The following ITPRID1 variants were observed in gnomAD, a reference collection of about 807,000 sequenced individuals.
ITPRID1 encodes ITPR interacting domain containing 1.
A neutral mutation model predicts 95.4 loss-of-function variants in ITPRID1; 96 were observed. That is an observed-to-expected ratio of 1.01 (90% CI 0.85 to 1.19). The LOEUF is 1.19. Among genes scored for constraint, ITPRID1 ranks in the 50% most tolerant of loss-of-function variants. The probability of loss-of-function intolerance (pLI) is 0.00; values close to 1 mark genes in which losing one functional copy is unlikely to be tolerated. For missense variants in ITPRID1, 1,339 were observed against 1,252.9 expected, an observed-to-expected ratio of 1.07 and a Z score of -1.04; for synonymous variants, 510 against 453.6, an observed-to-expected ratio of 1.12 and a Z score of -1.58.
At chr7:31,585,684 A>G (rs1785565842) in intron 10 of ITPRID1, among the ~76,000 whole-genome samples, 1 of 152,188 alleles carries the variant, frequency 6.6e-6, no homozygotes, top group Non-Finnish European at 1.5e-5. Flanking sequence ...AATCTCACTT[A>G]GCTATCAACT....
chr7:31,545,124 AG>A (rs958974037), intron 1 of ITPRID1, among the ~76,000 whole-genome samples: 23 of 152,274 alleles, frequency 1.5e-4, no homozygotes, highest in Non-Finnish European at 2.6e-4. Flanking sequence ...GGTTAGAGTC[AG>A]GGGTGAAGAG....
At position 31,599,585 on chromosome 7, in the gene ITPRID1, T is replaced by TTTTCTTTCTTTCTTTC. The variant is rs527461356; in HGVS notation, c.1228+16442_1228+16457dup. 5.0e-4 allele frequency among the ~76,000 whole-genome samples: 57 copies of TTTTCTTTCTTTCTTTC among 112,908 alleles called. 2 individuals are homozygous for TTTTCTTTCTTTCTTTC. Among genetic ancestry groups the TTTTCTTTCTTTCTTTC allele is most frequent in the East Asian group, 5.5e-4 (2 of 3,628 alleles). 74.1% of individuals were successfully genotyped at this position (112,908 alleles called of 152,430 possible). On this transcript the variant is annotated intron_variant, in intron 10 of 14. Coordinates refer to ENST00000615280, the MANE Select transcript of ITPRID1 (RefSeq NM_001257967.3). ...TGAAGAATATGTATTTGTTGTGTTA[T>TTTTCTTTCTTTCTTTC]TTTCTTTCTTTCTTTCTTTCTTTCT...
intron 1 of ITPRID1, chr7:31,529,584 T>G (rs77981275): frequency 0.015 from 8,210 of 547,044 alleles, 82 homozygotes; most frequent in Non-Finnish European, 0.02. Flanking sequence ...CTTTGTGTCT[T>G]TACCCTCAAC....
chr7:31,552,760 G>A (rs1321179176), intron 2 of ITPRID1, among the ~76,000 whole-genome samples: 2 of 152,172 alleles, frequency 1.3e-5, no homozygotes, highest in Non-Finnish European at 2.9e-5. Flanking sequence ...GTGCGCATGT[G>A]GTCTGATGAC....
chr7:31,619,348 C>T (rs1435105713), intron 10 of ITPRID1, among the ~76,000 whole-genome samples: 1 of 152,154 alleles, frequency 6.6e-6, no homozygotes, highest in Non-Finnish European at 1.5e-5. Context: ...TGATTGGTGA[C>T]AAATCCAGAC....
intron 1 of ITPRID1, chr7:31,518,272 C>T (rs1382601643): frequency 6.6e-6 from 1 of 152,174 alleles, no homozygotes; most frequent in African/African-American, 2.4e-5. Context: ...GAGTGCAGGC[C>T]TGCTAACAGA....
chr7:31,652,743 C>T lies in ITPRID1; in HGVS notation c.3049C>T (p.Pro1017Ser), dbSNP rs148552563. Residue 1017 changes from proline (P) to serine (S), a missense_variant, in exon 15 of 15, where the codon CCT (proline) becomes TCT (serine). Coordinates refer to ENST00000615280, the MANE Select transcript of ITPRID1 (RefSeq NM_001257967.3). ...CTTGGAGAACAGCACCAGGATGTCTCCTTCATCATCAGCTTGGGCAAAGTT... is the reference window on the plus strand; with the variant it reads ...CTTGGAGAACAGCACCAGGATGTCTTCTTCATCATCAGCTTGGGCAAAGTT... ...PTLENSTRMSPSSSAWAKLGP... is the reference protein window; with the variant it reads ...PTLENSTRMSSSSSAWAKLGP... 4.4e-4 allele frequency: 704 copies of T among 1,613,816 alleles called. No homozygotes were observed. Among genetic ancestry groups the T allele is most frequent in the Non-Finnish European group, 4.5e-4 (535 of 1,179,884 alleles).
intron 10 of ITPRID1, among the ~76,000 whole-genome samples, chr7:31,624,730 A>G (rs980092641): frequency 6.6e-6 from 1 of 151,538 alleles, no homozygotes; most frequent in African/African-American, 2.4e-5. Flanking sequence ...TTCATGTCTA[A>G]AACACCAAAA....
Position 31,652,808 on chromosome 7 carries a change from G to A in ITPRID1, c.3114G>A (p.Lys1038=). The change falls in exon 15 of 15, where the codon AAG becomes AAA. Residue 1038 remains lysine, a synonymous_variant. Transcript: ENST00000615280. ...TGTCAAATTGTCCTGTTGGAGAAAA[G>A]GATGCAGATGTCTTCCTCTAGATCA... The part of the protein sequence containing the change: ...TPLSNCPVGE[K]DADVFL The A allele has an allele frequency of 6.2e-7, 1 of 1,612,970 alleles. No individual in the cohort carries two copies. Among genetic ancestry groups the A allele is most frequent in the Non-Finnish European group, 8.5e-7 (1 of 1,179,030 alleles).
chr7:31,569,659 A>G, intron 5 of ITPRID1, 99 bp from the exon 6 acceptor site: 1 of 979,014 alleles, frequency 1.0e-6, no homozygotes, highest in African/African-American at 1.6e-5. Flanking sequence ...AACCTTGGAT[A>G]TGGAAATTCA....
chr7:31,625,919 C>A (rs578201923), intron 10 of ITPRID1, among the ~76,000 whole-genome samples: 3 of 151,782 alleles, frequency 2.0e-5, no homozygotes, highest in Non-Finnish European at 4.4e-5. Context: ...TACAGGTACA[C>A]CTAATGTTAG....
chr7:31,582,865 A>G (rs1380244595), intron 9 of ITPRID1, among the ~76,000 whole-genome samples: 3 of 152,162 alleles, frequency 2.0e-5, no homozygotes, highest in African/African-American at 7.2e-5. Context: ...GAATAGAAAT[A>G]TTATTATGTA....
rs7786282 is a variant in ITPRID1 at position 31,597,117 on chromosome 7, T to C, written c.1228+13926T>C. Among the ~76,000 whole-genome samples, 229 of 152,034 alleles carry C rather than the reference T, an allele frequency of 1.5e-3. 2 individuals carry two copies. Among genetic ancestry groups the C allele is most frequent in the African/African-American group, 5.1e-3 (212 of 41,518 alleles). ...AAAACAAAAGAACAAACAAAAACTC[T>C]CTGCAAGTAGGAATAAAAGAAAGAT... On this transcript the variant is annotated intron_variant, in intron 10 of 14. Coordinates refer to ENST00000615280, the MANE Select transcript of ITPRID1 (RefSeq NM_001257967.3).
At chr7:31,568,565 G>A (rs149787256) in intron 5 of ITPRID1, among the ~76,000 whole-genome samples, 193 of 152,270 alleles carry the variant, frequency 1.3e-3, no homozygotes, top group African/African-American at 4.4e-3. Flanking sequence ...AACCTTCTGA[G>A]GAATTTGCCC....
At chr7:31,571,963 C>A (rs1562577625) in intron 6 of ITPRID1, 139 bp from the exon 7 acceptor site, 3 of 575,200 alleles carry the variant, frequency 5.2e-6, no homozygotes, top group Non-Finnish European at 9.2e-6. Flanking sequence ...CTGTCTTCTG[C>A]AAAGGTGTGG....
chr7:31,580,118 T>C (rs1043758204), intron 9 of ITPRID1, among the ~76,000 whole-genome samples: 1 of 151,792 alleles, frequency 6.6e-6, no homozygotes, highest in South Asian at 2.1e-4. Flanking sequence ...GCCAACATGG[T>C]GAAACCCTGT....
At chr7:31,641,371 C>G (rs1222932800) in intron 10 of ITPRID1, among the ~76,000 whole-genome samples, 1 of 152,190 alleles carries the variant, frequency 6.6e-6, no homozygotes, top group African/African-American at 2.4e-5. Flanking sequence ...CCTCCCTCTG[C>G]TCCTTGTATT....
Position 31,598,555 on chromosome 7 carries a change from T to C in ITPRID1, c.1228+15364T>C, listed in dbSNP as rs972249207. Reference sequence around the variant, plus strand: ...AGTAGCTGGGACTACAGGCGCCCGCTACCACGCCCGGCTACTTTTTTGTAT... The same window carrying C: ...AGTAGCTGGGACTACAGGCGCCCGCCACCACGCCCGGCTACTTTTTTGTAT... On this transcript the variant is annotated intron_variant, in intron 10 of 14. Coordinates refer to ENST00000615280, the MANE Select transcript of ITPRID1 (RefSeq NM_001257967.3). Among the ~76,000 whole-genome samples the C allele has an allele frequency of 3.2e-4, 49 of 151,844 alleles. No homozygotes were observed. The East Asian group carries it at 3.7e-3, about 11-fold the overall frequency.
At chr7:31,573,836 ATATT>A (rs928785728) in intron 7 of ITPRID1, among the ~76,000 whole-genome samples, 5 of 150,494 alleles carry the variant, frequency 3.3e-5, no homozygotes, top group East Asian at 1.9e-4. Flanking sequence ...AATAATTTAG[ATATT>A]TATATATACA....
Sources: allele counts gnomAD v4.1 joint callset (sites outside exome capture counted in the v4.1 genomes callset), GRCh38; gene constraint gnomAD v4.1.1; transcripts MANE v1.5; gene names NCBI Gene and HGNC (gene_info 2026-07-23, HGNC 2026-07-21).